Variants in MICAL1 observed in about 807,000 individuals in gnomAD.
The protein encoded by MICAL1 is [F-actin]-monooxygenase MICAL1.
MICAL1 carries 95 observed loss-of-function variants against 131.8 expected under a neutral mutation model. The observed-to-expected ratio is 0.72, with a 90% confidence interval of 0.61 to 0.86. MICAL1 has a LOEUF of 0.86. Among genes scored for constraint, MICAL1 ranks in the 40% least tolerant of loss-of-function variants. The pLI, the probability that MICAL1 is intolerant of heterozygous loss-of-function variation, is 0.00. For missense variants in MICAL1, 1,292 were observed against 1,380.6 expected (o/e 0.94, Z 1.02); for synonymous variants, 546 against 554.2 (o/e 0.99, Z 0.21).
upstream of MICAL1, among the ~76,000 whole-genome samples, chr6:109,457,387 T>C (rs1775779037): frequency 6.6e-6 from 1 of 152,110 alleles, no homozygotes; most frequent in Admixed American, 6.5e-5. Context: ...TGGGTTACCC[T>C]GGGCTCCACC....
upstream of MICAL1, among the ~76,000 whole-genome samples, chr6:109,457,741 T>C (rs1775792412): frequency 6.6e-6 from 1 of 152,230 alleles, no homozygotes; most frequent in Non-Finnish European, 1.5e-5. Flanking sequence ...AGCAGGGTCA[T>C]GTGGCTCTAT....
Position 109,445,471 on chromosome 6 carries a change from C to T in MICAL1, c.2732G>A (p.Arg911Gln), listed in dbSNP as rs577997278. The T allele has an allele frequency of 3.0e-5, 49 of 1,614,048 alleles. No homozygotes were observed. Among genetic ancestry groups the T allele is most frequent in the Admixed American group, 6.7e-5 (4 of 60,030 alleles). ...CTCCTTCGCACGGCGCAGCAGAGTC[C>T]GACGCCATGTTGGGTAGTTATTCAT... Reference protein sequence around the residue: ...GTMNNYPTWRRTLLRRAKEEE... With the variant: ...GTMNNYPTWRQTLLRRAKEEE... Residue 911 changes from arginine (R) to glutamine (Q), a missense_variant, in exon 21 of 25, where the codon CGG becomes CAG. Transcript: ENST00000358807.
At chr6:109,458,137 A>C (rs575002883), upstream of MICAL1, among the ~76,000 whole-genome samples, 7 of 151,430 alleles carry the variant, frequency 4.6e-5, no homozygotes, top group East Asian at 9.7e-4. Context: ...AAAAAAAAAA[A>C]CTCTATTAAA....
chr6:109,445,658 G>T, intron 20 of MICAL1, 113 bp downstream of exon 20: 2 of 1,494,536 alleles, frequency 1.3e-6, no homozygotes, highest in African/African-American at 1.4e-5. Context: ...AGAGGCCAGA[G>T]ATATGACAGG....
At chr6:109,449,306 C>A in intron 11 of MICAL1, 94 bp downstream of exon 11, 1 of 1,350,384 alleles carries the variant, frequency 7.4e-7, no homozygotes, top group South Asian at 1.2e-5. Flanking sequence ...GCACGCTGCT[C>A]CTGTCCTGAG....
Position 109,448,336 on chromosome 6 carries a change from C to G in MICAL1, c.1722G>C (p.Lys574Asn), listed in dbSNP as rs767032412. 3 of 1,613,906 alleles carry G rather than the reference C, an allele frequency of 1.9e-6. No individual in the cohort carries two copies. Among genetic ancestry groups the G allele is most frequent in the South Asian group, 1.1e-5 (1 of 91,092 alleles). Reference sequence around the variant, plus strand: ...TGATGCCCAGCTCATTCTCTGCCACCTTTAGTGCCCAAGCAGTTGCTTCCA... The same window carrying G: ...TGATGCCCAGCTCATTCTCTGCCACGTTTAGTGCCCAAGCAGTTGCTTCCA... Reference protein sequence around the residue: ...GALEATAWALKVAENELGITP... With the variant: ...GALEATAWALNVAENELGITP... Residue 574 changes from lysine (K) to asparagine (N), a missense_variant, in exon 13 of 25, where the codon AAG (lysine) becomes AAC (asparagine). Physicochemically the swap from Lys to Asn is moderately conservative, Grantham distance 94. Coordinates refer to ENST00000358807, the MANE Select transcript of MICAL1 (RefSeq NM_022765.4).
At position 109,450,440 on chromosome 6, in the gene MICAL1, ACT is replaced by A. The variant is rs1775491044; in HGVS notation, c.1049_1050del (p.Glu350ValfsTer10). 6.2e-7 allele frequency: 1 copy of A among 1,613,398 alleles called. No homozygotes were observed. Among genetic ancestry groups the A allele is most frequent in the South Asian group, 1.1e-5 (1 of 91,076 alleles). ...FATHGKLGKL[E>X]FAQDAHGQPD... Reference sequence around the variant, plus strand: ...GGCTGCCCATGGGCATCCTGGGCAAACTCTAGTTTCCCGAGCTTGCCATGGGT... The same window carrying A: ...GGCTGCCCATGGGCATCCTGGGCAAACTAGTTTCCCGAGCTTGCCATGGGT... On this transcript the variant is annotated frameshift_variant, in exon 8 of 25. Coordinates refer to ENST00000358807, the MANE Select transcript of MICAL1 (RefSeq NM_022765.4). LOFTEE classifies it high-confidence loss of function.
At chr6:109,448,583 A>G in intron 12 of MICAL1, 149 bp downstream of exon 12, 2 of 1,351,790 alleles carry the variant, frequency 1.5e-6, no homozygotes, top group Middle Eastern at 1.9e-4. Flanking sequence ...GGCCTGTGCC[A>G]TTCACAAAGC....
intron 24 of MICAL1, 64 bp from the exon 25 acceptor site, chr6:109,444,403 CT>C (rs1327695158): frequency 3.1e-6 from 5 of 1,602,864 alleles, no homozygotes; most frequent in Non-Finnish European, 4.3e-6. Context: ...GGGCCACAAC[CT>C]AATCCCAGCC....
In MICAL1 at chr6:109,451,553, T is replaced by TC. The variant is rs749284622; in HGVS notation, c.933+46dup. On this transcript the variant is annotated intron_variant, in intron 7 of 24. Coordinates refer to ENST00000358807, the MANE Select transcript of MICAL1 (RefSeq NM_022765.4). ...ACTATGTCCAAGCCTAGCCTCTGCCTCCCGGGGCTCACCACCCAGCCTCTC... is the reference window on the plus strand; with the variant it reads ...ACTATGTCCAAGCCTAGCCTCTGCCTCCCCGGGGCTCACCACCCAGCCTCTC... 19 of 1,609,048 alleles carry TC rather than the reference T, an allele frequency of 1.2e-5. No homozygotes were observed. The African/African-American group carries it at 2.3e-4, about 19-fold the overall frequency.
chr6:109,448,747 A>G lies in MICAL1; in HGVS notation c.1649T>C (p.Leu550Pro), dbSNP rs757426218. The change falls in exon 12 of 25, where the codon CTG (leucine) becomes CCG (proline). Residue 550 changes from leucine (L) to proline (P), a missense_variant. Transcript: ENST00000358807. ...GLALCALVYR[L>P]QPGLLEPSEL... is the part of the protein sequence containing the mutation. ...AGGGACTCACAGCAGGCCAGGCTGC[A>G]GCCGGTACACCAGGGCACACAGAGC... 8 of 1,614,078 alleles carry G rather than the reference A, an allele frequency of 5.0e-6. No individual in the cohort carries two copies. The highest frequency in any genetic ancestry group is 1.7e-5 in the Admixed American group (1 of 60,028).
At position 109,453,687 on chromosome 6, in the gene MICAL1, A is replaced by G. The variant is rs142814292; in HGVS notation, c.417T>C (p.Gly139=). ...PFTIHDLRAL[G]AKKFYGRFCT... is the part of the protein sequence containing the mutation. The stretch of plus-strand genomic sequence containing the variant: ...AGAAGCGCCCGTAGAACTTCTTAGC[A>G]CCGAGTGCCCGCAGGTCGTGGATGG... Residue 139 remains glycine (G), a synonymous_variant, in exon 3 of 25, where the codon GGT becomes GGC. Coordinates refer to ENST00000358807, the MANE Select transcript of MICAL1 (RefSeq NM_022765.4). 5.8e-5 allele frequency: 94 copies of G among 1,613,780 alleles called. No homozygotes were observed. In the African/African-American group the frequency reaches 1.2e-3, roughly 21 times the overall value.
At position 109,446,735 on chromosome 6, in the gene MICAL1, G is replaced by A; in HGVS notation, c.2265C>T (p.Asp755=). ...FYCLQHLPQT[D]HKAEGSDRGP... is the part of the protein sequence containing the mutation. ...CTCTATCGCTGCCTTCCGCTTTGTG[G>A]TCTGTCTGGGGCAGGTGCTGGAGGC... is the stretch of plus-strand genomic sequence containing the variant. The change falls in exon 18 of 25, where the codon GAC becomes GAT. Residue 755 remains aspartate (D), a synonymous_variant. Transcript: ENST00000358807. 1 of 1,613,840 alleles carries A rather than the reference G, an allele frequency of 6.2e-7. No homozygotes were observed. The highest frequency in any genetic ancestry group is 8.5e-7 in the Non-Finnish European group (1 of 1,179,910).
At position 109,452,733 on chromosome 6, in the gene MICAL1, TGATATATTATCTATCA is replaced by T. The variant is rs950844781; in HGVS notation, c.572-134_572-119del. The T allele has an allele frequency of 1.7e-5, 12 of 709,522 alleles. No homozygotes were observed. The Admixed American group carries it at 3.2e-4, about 19-fold the overall frequency. 44.0% of individuals were successfully genotyped at this position (709,522 alleles called of 1,614,324 possible). ...AAGGACTCTCTGGTTTAGAAAGCAA[TGATATATTATCTATCA>T]GATTACACCTTCACAGCAGCTATGG... On this transcript the variant is annotated intron_variant, in intron 4 of 24. Transcript: ENST00000358807.
intron 1 of MICAL1, chr6:109,465,413 C>A: frequency 1.9e-6 from 1 of 533,678 alleles, no homozygotes; most frequent in Non-Finnish European, 3.3e-6. Context: ...ACTGTGTTGC[C>A]TAAGAAAAAT....
At chr6:109,448,999 T>A in intron 11 of MICAL1, 120 bp from the exon 12 acceptor site, 3 of 1,338,778 alleles carry the variant, frequency 2.2e-6, no homozygotes, top group Non-Finnish European at 3.0e-6. Flanking sequence ...CCACCTCTAC[T>A]AGGGCACCAG....
At chr6:109,454,320 G>A (rs1775664958) in intron 1 of MICAL1, 81 bp from the exon 2 acceptor site, 2 of 1,372,408 alleles carry the variant, frequency 1.5e-6, no homozygotes, top group Non-Finnish European at 1.9e-6. Flanking sequence ...GAGCAGGCTG[G>A]TGTCCCCAGG....
upstream of MICAL1, among the ~76,000 whole-genome samples, chr6:109,457,605 T>C (rs1017045808): frequency 4.6e-5 from 7 of 152,214 alleles, no homozygotes; most frequent in East Asian, 1.9e-4. Context: ...AATAATCTCA[T>C]TTCCCTTTCA....
chr6:109,447,240 C>G lies in MICAL1; in HGVS notation c.2071-11G>C, dbSNP rs752661565. 1 of 1,613,950 alleles carries G rather than the reference C, an allele frequency of 6.2e-7. No homozygotes were observed. The highest frequency in any genetic ancestry group is 1.1e-5 in the South Asian group (1 of 91,082). ...GTCCCCAGCACCGGCCTGCGTGGACCCCCAGGACACAGGGTCAGGTGGAGC... is the reference window on the plus strand; with the variant it reads ...GTCCCCAGCACCGGCCTGCGTGGACGCCCAGGACACAGGGTCAGGTGGAGC... On this transcript the variant is annotated splice_polypyrimidine_tract_variant and intron_variant, in intron 16 of 24. Transcript: ENST00000358807.
Sources: allele counts gnomAD v4.1 joint callset (sites outside exome capture counted in the v4.1 genomes callset), GRCh38; gene constraint gnomAD v4.1.1; transcripts MANE v1.5; gene names NCBI Gene and HGNC (gene_info 2026-07-23, HGNC 2026-07-21).